The following DPRX variants were observed in gnomAD, a reference collection of about 807,000 sequenced individuals.
DPRX encodes divergent-paired related homeobox, also known as divergent paired-related homeobox.
DPRX carries 11 observed loss-of-function variants against 8.4 expected under a neutral mutation model. That is an observed-to-expected ratio of 1.31 (90% CI 0.82 to 2.17). DPRX has a LOEUF of 2.17. Ranked by LOEUF, DPRX falls within the 30% of genes most tolerant of loss-of-function variation. DPRX has a pLI of 0.00. For synonymous variants in DPRX, 72 were observed against 87.0 expected (o/e 0.83, Z 0.96); for missense variants, 211 against 236.7 (o/e 0.89, Z 0.71).
At chr19:53,620,352 A>C in the DPRX span, among the ~76,000 whole-genome samples, 1 of 150,370 alleles carries the variant, frequency 6.7e-6, no homozygotes, top group Non-Finnish European at 1.5e-5. Context: ...TACAGGTGTG[A>C]GCCACCGTAC....
the DPRX span, chr19:53,604,448 G>C: frequency 1.3e-5 from 2 of 152,742 alleles, no homozygotes; most frequent in Admixed American, 6.6e-5. Context: ...AGCAAGCATA[G>C]TCCCGATGGA....
the DPRX span, among the ~76,000 whole-genome samples, chr19:53,619,854 C>CA: frequency 0.38 from 42,530 of 110,732 alleles, 7,731 homozygotes; most frequent in Admixed American, 0.48. Flanking sequence ...GACTCTATCT[C>CA]AAAAAAAAAA....
chr19:53,614,226 A>G, the DPRX span, among the ~76,000 whole-genome samples: 2 of 152,194 alleles, frequency 1.3e-5, no homozygotes, highest in African/African-American at 4.8e-5. Context: ...CTGGGATTAC[A>G]GGCGTGAGCC....
At chr19:53,604,753 G>C in the DPRX span, among the ~76,000 whole-genome samples, 10 of 151,408 alleles carry the variant, frequency 6.6e-5, no homozygotes, top group Non-Finnish European at 1.2e-4. Context: ...TGAGGCAGGA[G>C]AATCGCGTGG....
At chr19:53,617,212 G>C in the DPRX span, 3 of 853,186 alleles carry the variant, frequency 3.5e-6, no homozygotes, top group Non-Finnish European at 6.2e-6. Context: ...TTCACGGCTA[G>C]AGTATTCGTG....
chr19:53,626,635 C>A, the DPRX span, among the ~76,000 whole-genome samples: 30 of 152,318 alleles, frequency 2.0e-4, no homozygotes, highest in East Asian at 5.4e-3. Context: ...GGTGGCCAGA[C>A]TCCTTCCCAG....
the DPRX span, among the ~76,000 whole-genome samples, chr19:53,619,854 CAAAAAAAA>C: frequency 9.0e-6 from 1 of 111,092 alleles, no homozygotes; most frequent in East Asian, 2.6e-4. Flanking sequence ...GACTCTATCT[CAAAAAAAA>C]AAAAAAAAAA....
chr19:53,603,003 A>ATGTGTGTG, the DPRX span, among the ~76,000 whole-genome samples: 7 of 147,930 alleles, frequency 4.7e-5, no homozygotes, highest in African/African-American at 1.7e-4. Context: ...GTGTATATGT[A>ATGTGTGTG]TGTGTGTGTG....
At chr19:53,628,411 G>A (rs1204711860), upstream of DPRX, among the ~76,000 whole-genome samples, 2 of 152,156 alleles carry the variant, frequency 1.3e-5, no homozygotes, top group Non-Finnish European at 2.9e-5. Context: ...ACCAGCATGA[G>A]GGAAAGCAGG....
At chr19:53,627,935 G>A (rs756697655), upstream of DPRX, among the ~76,000 whole-genome samples, 16 of 151,892 alleles carry the variant, frequency 1.1e-4, no homozygotes, top group Non-Finnish European at 1.8e-4. Context: ...AGGAGGCTGA[G>A]GCAGGAGAAT....
At chr19:53,612,003 G>C in the DPRX span, among the ~76,000 whole-genome samples, 2 of 152,006 alleles carry the variant, frequency 1.3e-5, no homozygotes, top group Non-Finnish European at 2.9e-5. Flanking sequence ...AGAATTGCTT[G>C]AATCCGGGAG....
chr19:53,636,705 G>A (rs371142421), exon 3 of DPRX: 14 of 1,613,998 alleles, frequency 8.7e-6, no homozygotes, highest in Admixed American at 6.7e-5. Context: ...GTCTCCACCA[G>A]TGTCGGCCTG....
At chr19:53,614,222 T>C in the DPRX span, among the ~76,000 whole-genome samples, 4 of 152,048 alleles carry the variant, frequency 2.6e-5, no homozygotes, top group Admixed American at 2.6e-4. Flanking sequence ...AGTGCTGGGA[T>C]TACAGGCGTG....
the DPRX span, chr19:53,601,372 C>T: frequency 2.2e-6 from 1 of 456,510 alleles, no homozygotes; most frequent in African/African-American, 2.0e-5. Flanking sequence ...AACAGGGGGA[C>T]CTGCAGGCAA....
At chr19:53,628,093 C>G (rs2091078105), upstream of DPRX, among the ~76,000 whole-genome samples, 2 of 152,052 alleles carry the variant, frequency 1.3e-5, 1 homozygote, top group South Asian at 4.1e-4. Context: ...CATACAGTAG[C>G]TGGCCCTACC....
chr19:53,608,969 AAAAAAGG>A, the DPRX span, among the ~76,000 whole-genome samples: 2 of 121,538 alleles, frequency 1.6e-5, no homozygotes, highest in African/African-American at 7.0e-5. Flanking sequence ...AAAAAAAAAA[AAAAAAGG>A]AAAGAAAAGA....
chr19:53,608,947 C>T, the DPRX span, among the ~76,000 whole-genome samples: 1 of 78,010 alleles, frequency 1.3e-5, no homozygotes, highest in Admixed American at 2.1e-4. Flanking sequence ...CAGAGTGAGA[C>T]TCCGTCAAAA....
chr19:53,612,431 G>T, the DPRX span, among the ~76,000 whole-genome samples: 2 of 152,204 alleles, frequency 1.3e-5, no homozygotes, highest in Non-Finnish European at 2.9e-5. Context: ...ACGTGGCCGG[G>T]TGCAGTGGCT....
chr19:53,633,787 C>T (rs28504231), intron 1 of DPRX, among the ~76,000 whole-genome samples: 2,066 of 152,162 alleles, frequency 0.014, 48 homozygotes, highest in African/African-American at 0.047. Flanking sequence ...GGATTACAGG[C>T]ATGAGCCACT....
Sources: gnomAD v4.1 joint callset for allele counts (sites outside exome capture counted in the v4.1 genomes callset) on GRCh38, gnomAD v4.1.1 for gene constraint, MANE v1.5 for transcripts, NCBI Gene and HGNC (gene_info 2026-07-23, HGNC 2026-07-21) for gene names.